SYT7: variants seen among roughly 807,000 people sequenced by gnomAD.
The protein encoded by SYT7 is synaptotagmin-7.
A neutral mutation model predicts 75.1 loss-of-function variants in SYT7; 29 were observed. That is an observed-to-expected ratio of 0.39 (90% CI 0.29 to 0.53). The LOEUF (loss-of-function observed/expected upper bound fraction) is 0.53, where lower values mean the gene tolerates loss of function less well. Ranked by LOEUF, SYT7 falls within the 20% of genes least tolerant of loss-of-function variation. SYT7 has a pLI of 0.77. For synonymous variants in SYT7, 376 were observed against 401.7 expected (o/e 0.94, Z 0.76); for missense variants, 693 against 953.2 (o/e 0.73, Z 3.59).
intron 2 of SYT7, 124 bp downstream of exon 2, chr11:61,555,980 C>T (rs755607241): frequency 4.9e-6 from 4 of 810,128 alleles, no homozygotes; most frequent in Non-Finnish European, 7.9e-6. Flanking sequence ...ACTATGCGGA[C>T]AGGTGAGTCA....
At chr11:61,520,133 G>GGGCAAACTGGTCT (rs1565159957) in intron 12 of SYT7, among the ~76,000 whole-genome samples, 1 of 147,878 alleles carries the variant, frequency 6.8e-6, no homozygotes, top group Non-Finnish European at 1.5e-5. Flanking sequence ...CTCGTGATCT[G>GGGCAAACTGGTCT]CCCGCCTTGG....
intron 2 of SYT7, among the ~76,000 whole-genome samples, chr11:61,552,385 T>G (rs1370621658): frequency 6.6e-6 from 1 of 152,054 alleles, no homozygotes; most frequent in Non-Finnish European, 1.5e-5. Context: ...ACAGGGGCTG[T>G]GCGGGGTTTG....
At chr11:61,541,089 T>G in intron 6 of SYT7, 1 of 985,452 alleles carries the variant, frequency 1.0e-6, no homozygotes, top group Non-Finnish European at 1.2e-6. Context: ...CCCAGGGCAG[T>G]GCTCCCATCT....
At chr11:61,550,843 C>T (rs2063326834) in intron 3 of SYT7, among the ~76,000 whole-genome samples, 1 of 152,184 alleles carries the variant, frequency 6.6e-6, no homozygotes, top group South Asian at 2.1e-4. Context: ...CAGCCAGACA[C>T]ACAGCGGCCG....
At chr11:61,566,556 C>A (rs2063774324) in intron 1 of SYT7, among the ~76,000 whole-genome samples, 1 of 152,192 alleles carries the variant, frequency 6.6e-6, no homozygotes, top group African/African-American at 2.4e-5. Flanking sequence ...CCACCTTGAT[C>A]CCAAAGCTGA....
chr11:61,563,221 G>A (rs577559867), intron 1 of SYT7, among the ~76,000 whole-genome samples: 2 of 152,298 alleles, frequency 1.3e-5, no homozygotes, highest in Admixed American at 6.5e-5. Flanking sequence ...CTGTCCTTCT[G>A]AGGCAGAGCA....
rs760427105 is a variant in SYT7 at position 61,528,049 on chromosome 11, G to A, written c.1337C>T (p.Pro446Leu). 9.9e-6 allele frequency: 16 copies of A among 1,613,942 alleles called. No individual in the cohort carries two copies. Among genetic ancestry groups the A allele is most frequent in the African/African-American group, 9.3e-5 (7 of 74,910 alleles). ...GCTGGTGCCGCTGAAGTCCTTGGCC[G>A]GCAGCTCCTGGGCCTTCATGATCTT... ...TVKIMKAQELPAKDFSGTSDP... is the reference protein window; with the variant it reads ...TVKIMKAQELLAKDFSGTSDP... The change falls in exon 9 of 13, where the codon CCG (proline) becomes CTG (leucine). Residue 446 changes from proline (P) to leucine (L), a missense_variant. Transcript: ENST00000539008.
In SYT7 at chr11:61,542,455, G is replaced by A; in HGVS notation, c.697C>T (p.Gln233Ter). The A allele has an allele frequency of 1.3e-6, 2 of 1,532,978 alleles. No individual in the cohort carries two copies. Among genetic ancestry groups the A allele is most frequent in the Non-Finnish European group, 1.7e-6 (2 of 1,146,132 alleles). The allele number at this position is 1,532,978 out of a possible 1,614,324, so 95.0% of individuals were successfully genotyped here. The change falls in exon 6 of 13, where the codon CAG (glutamine) becomes TAG (stop). Residue 233 changes from glutamine (Q) to a stop codon, truncating the protein, a stop_gained. Transcript: ENST00000539008. LOFTEE classifies it high-confidence loss of function. The surrounding 1 kb of genome is among the most constrained non-coding windows in gnomAD (Gnocchi z 7.8). ...RQQSLQQPLS[Q>*]HQRGRQPSQP... ...CTGGGCTGCCGGCCCCGCTGGTGCT[G>A]GCTCAGCGGCTGTTGCAGGCTCTGC... is the stretch of plus-strand genomic sequence containing the variant.
At position 61,517,426 on chromosome 11, in the gene SYT7, G is replaced by T. The variant is rs2062175725; in HGVS notation, c.*1201C>A. On this transcript the variant is annotated 3_prime_UTR_variant, in exon 13 of 13. Coordinates refer to ENST00000539008, the MANE Select transcript of SYT7 (RefSeq NM_001365809.2). ...TCCCGGGGACCAGGGAGTGGGGAAG[G>T]GTGAGAAGACAGTCCTGGAGAAGGT... The T allele has an allele frequency of 5.0e-6, 2 of 398,890 alleles. No individual in the cohort carries two copies. The highest frequency in any genetic ancestry group is 4.1e-5 in the African/African-American group (2 of 48,724). The allele number at this position is 398,890 out of a possible 1,614,324, so 24.7% of individuals were successfully genotyped here.
At chr11:61,526,871 T>A (rs1000406486) in intron 9 of SYT7, among the ~76,000 whole-genome samples, 9 of 152,132 alleles carry the variant, frequency 5.9e-5, no homozygotes, top group African/African-American at 1.2e-4. Context: ...AGAGGTGGGG[T>A]GCTAAGTGGC....
In SYT7 at chr11:61,556,220, G is replaced by C; in HGVS notation, c.32-13C>G. ...CGCGAGGGCGCCCCTGGGGAGGACA[G>C]GTACAGGTCACACCCTCATTGGCCA... On this transcript the variant is annotated splice_polypyrimidine_tract_variant and intron_variant, in intron 1 of 12. Coordinates refer to ENST00000539008, the MANE Select transcript of SYT7 (RefSeq NM_001365809.2). The C allele has an allele frequency of 6.2e-7, 1 of 1,608,188 alleles. No individual in the cohort carries two copies. The highest frequency in any genetic ancestry group is 8.5e-7 in the Non-Finnish European group (1 of 1,177,092).
Position 61,535,196 on chromosome 11 carries a change from G to A in SYT7, c.1065-2072C>T, listed in dbSNP as rs1174551860. Among the ~76,000 whole-genome samples, 4 of 152,206 alleles carry A rather than the reference G, an allele frequency of 2.6e-5. No individual in the cohort carries two copies. The East Asian group carries it at 7.7e-4, about 29-fold the overall frequency. Reference sequence around the variant, plus strand: ...AGGAGCAGATGGGAGAAAGGAGACAGAAGGAGAGAGAGGCCAAGAAAGTTA... The same window carrying A: ...AGGAGCAGATGGGAGAAAGGAGACAAAAGGAGAGAGAGGCCAAGAAAGTTA... On this transcript the variant is annotated intron_variant, in intron 7 of 12. Transcript: ENST00000539008.
At chr11:61,567,002 C>T (rs1297728112) in intron 1 of SYT7, among the ~76,000 whole-genome samples, 1 of 152,166 alleles carries the variant, frequency 6.6e-6, no homozygotes, top group Non-Finnish European at 1.5e-5. Flanking sequence ...GATTCAAATC[C>T]ATGGCCAGGG....
chr11:61,514,267 C>T lies in SYT7; in HGVS notation c.*4360G>A, dbSNP rs2062106087. 6.6e-6 allele frequency among the ~76,000 whole-genome samples: 1 copy of T among 152,358 alleles called. No individual in the cohort carries two copies. The highest frequency in any genetic ancestry group is 2.1e-4 in the South Asian group (1 of 4,826). ...TGAACAGAAGCTCTGGCCAAGGGAG[C>T]CCCTGAGGCTACTTACCTGACCCCG... On this transcript the variant is annotated 3_prime_UTR_variant, in exon 13 of 13. Transcript: ENST00000539008.
Position 61,523,797 on chromosome 11 carries a change from C to T in SYT7, c.1756+30G>A, listed in dbSNP as rs763408216. The T allele has an allele frequency of 2.7e-5, 44 of 1,602,946 alleles. No individual in the cohort carries two copies. Among genetic ancestry groups the T allele is most frequent in the South Asian group, 3.3e-5 (3 of 90,814 alleles). On this transcript the variant is annotated intron_variant, in intron 11 of 12. Coordinates refer to ENST00000539008, the MANE Select transcript of SYT7 (RefSeq NM_001365809.2). This position sits in a 1 kb window ranked among gnomAD's most constrained non-coding sequence, Gnocchi z 5.0. ...TTGTGTCACCAGCACCTCCCCGGCC[C>T]GCCCATCCTCTGCTGGAGAAGCCCC...
rs1389768388 is a variant in SYT7, at chr11:61,517,058, G to A, written c.*1569C>T. 2.3e-5 allele frequency: 9 copies of A among 391,146 alleles called. No individual in the cohort carries two copies. Among genetic ancestry groups the A allele is most frequent in the South Asian group, 2.9e-4 (2 of 6,938 alleles). The allele number at this position is 391,146 out of a possible 1,614,324, so 24.2% of individuals were successfully genotyped here. Reference sequence around the variant, plus strand: ...GGGTGTCACAGGCCCATCCAGAGTGGAACTGGGGGCTAAGACCACGGCCAC... The same window carrying A: ...GGGTGTCACAGGCCCATCCAGAGTGAAACTGGGGGCTAAGACCACGGCCAC... On this transcript the variant is annotated 3_prime_UTR_variant, in exon 13 of 13. Transcript: ENST00000539008.
chr11:61,519,844 G>A (rs1003063921), intron 12 of SYT7, among the ~76,000 whole-genome samples: 7 of 152,120 alleles, frequency 4.6e-5, no homozygotes, highest in Non-Finnish European at 7.3e-5. Flanking sequence ...TTTTGAGACC[G>A]AGTCTCACTC....
At position 61,528,187 on chromosome 11, in the gene SYT7, T is replaced by G; in HGVS notation, c.1201-2A>C. 1 of 1,609,788 alleles carries G rather than the reference T, an allele frequency of 6.2e-7. No individual in the cohort carries two copies. The highest frequency in any genetic ancestry group is 8.5e-7 in the Non-Finnish European group (1 of 1,179,494). On this transcript the variant is annotated splice_acceptor_variant, in intron 8 of 12. Transcript: ENST00000539008. LOFTEE classifies it high-confidence loss of function. ...ATCCTCCTCGGAGCCTGGGGAGAGC[T>G]GGGGGTGGGGGAGAGGCCGGCAGGG... is the stretch of plus-strand genomic sequence containing the variant.
chr11:61,562,352 T>C (rs2063660592), intron 1 of SYT7, among the ~76,000 whole-genome samples: 1 of 152,168 alleles, frequency 6.6e-6, no homozygotes, highest in African/African-American at 2.4e-5. Context: ...TGTAACCTAA[T>C]CTCTGTGTGC....
Sources: gnomAD v4.1 joint callset for allele counts (sites outside exome capture counted in the v4.1 genomes callset) on GRCh38, gnomAD v4.1.1 for gene constraint, Gnocchi (gnomAD v3.1) non-coding constraint, MANE v1.5 for transcripts, NCBI Gene and HGNC (gene_info 2026-07-23, HGNC 2026-07-21) for gene names.